ACACA: variants seen among roughly 807,000 people sequenced by gnomAD.
ACACA encodes the protein acetyl-CoA carboxylase alpha.
Under a neutral mutation model 296.1 loss-of-function variants are expected in ACACA, and 103 were observed. The observed-to-expected ratio is 0.35, with a 90% CI of 0.30 to 0.41. The LOEUF (loss-of-function observed/expected upper bound fraction) is 0.41, where lower values mean the gene tolerates loss of function less well. Among genes scored for constraint, ACACA ranks in the 10% least tolerant of loss-of-function variants. ACACA has a pLI of 1.00. For missense variants in ACACA, 1,554 were observed against 2,989.7 expected (o/e 0.52, Z 11.20); for synonymous variants, 953 against 1,038.6 (o/e 0.92, Z 1.58).
intron 52 of ACACA, among the ~76,000 whole-genome samples, chr17:37,108,057 TCTC>T (rs1427655946): frequency 2.6e-5 from 4 of 152,082 alleles, no homozygotes; most frequent in African/African-American, 4.8e-5. Flanking sequence ...AGGAAGTAAT[TCTC>T]CTCCTTGCAA....
intron 45 of ACACA, among the ~76,000 whole-genome samples, chr17:37,143,207 CTT>C (rs36093883): frequency 6.3e-5 from 9 of 142,158 alleles, no homozygotes; most frequent in Admixed American, 1.4e-4. Flanking sequence ...CTCATAACAT[CTT>C]TTTTTTTTTT....
chr17:37,246,724 T>A, intron 19 of ACACA, 102 bp downstream of exon 19: 2 of 1,485,694 alleles, frequency 1.3e-6, no homozygotes. Flanking sequence ...CAAGCCACTG[T>A]GCCCAGCCTC....
At chr17:37,170,920 G>T (rs1469412769) in intron 41 of ACACA, among the ~76,000 whole-genome samples, 1 of 152,162 alleles carries the variant, frequency 6.6e-6, no homozygotes, top group Non-Finnish European at 1.5e-5. Context: ...AAAGCTAAGG[G>T]CAAAACATGC....
chr17:37,149,768 T>C (rs1025627558), intron 45 of ACACA, 96 bp downstream of exon 45: 6 of 1,102,738 alleles, frequency 5.4e-6, no homozygotes, highest in Non-Finnish European at 8.4e-6. Context: ...AAGGCACGGA[T>C]TGAACTGCTT....
Position 37,398,528 on chromosome 17 carries a change from G to A in ACACA, c.38+7734C>T, listed in dbSNP as rs192771905. Among the ~76,000 whole-genome samples the A allele has an allele frequency of 7.2e-5, 10 of 137,980 alleles. No individual in the cohort carries two copies. The East Asian group carries it at 2.4e-3, about 34-fold the overall frequency. The allele number at this position is 137,980 out of a possible 152,430, so 90.5% of individuals were successfully genotyped here. A position where few individuals can be genotyped will look rare whatever the true frequency, so the allele number is the denominator to read the frequency against. On this transcript the variant is annotated intron_variant, in intron 1 of 55. Coordinates refer to ENST00000616317, the MANE Select transcript of ACACA (RefSeq NM_198834.3). Reference sequence around the variant, plus strand: ...TCGAACTCCTGACCTCAGGTGATCCGCCCACCTTGGCCTCCAAAAGTGCTG... The same window carrying A: ...TCGAACTCCTGACCTCAGGTGATCCACCCACCTTGGCCTCCAAAAGTGCTG...
intron 48 of ACACA, 143 bp downstream of exon 48, chr17:37,125,555 G>T: frequency 1.2e-6 from 1 of 810,860 alleles, no homozygotes; most frequent in Non-Finnish European, 2.1e-6. Flanking sequence ...CAATTATTTT[G>T]CCTTGGGCAT....
In ACACA at chr17:37,120,168, C is replaced by T. The variant is rs1277830471; in HGVS notation, c.6274+1187G>A. Among the ~76,000 whole-genome samples, 3 of 152,028 alleles carry T rather than the reference C, an allele frequency of 2.0e-5. No individual in the cohort carries two copies. In the East Asian group the frequency reaches 5.8e-4, roughly 29 times the overall value. On this transcript the variant is annotated intron_variant, in intron 50 of 55. Transcript: ENST00000616317. ...TCGGCCTCCCAAAGTGCTGGGATTA[C>T]AGGCGTGAGCCACCGCGCCTGGCCA...
At chr17:37,395,030 A>G (rs2051031380) in intron 1 of ACACA, among the ~76,000 whole-genome samples, 1 of 152,152 alleles carries the variant, frequency 6.6e-6, no homozygotes, top group South Asian at 2.1e-4. Flanking sequence ...AACACTGGTT[A>G]ATATGTAATC....
intron 45 of ACACA, among the ~76,000 whole-genome samples, chr17:37,132,034 C>CCT (rs764963579): frequency 9.9e-5 from 15 of 152,142 alleles, no homozygotes; most frequent in African/African-American, 3.4e-4. Flanking sequence ...TTCCATTTGC[C>CCT]CTCTCTCTGA....
At chr17:37,298,241 G>GA (rs938147966) in intron 3 of ACACA, among the ~76,000 whole-genome samples, 1 of 151,972 alleles carries the variant, frequency 6.6e-6, no homozygotes, top group Non-Finnish European at 1.5e-5. Flanking sequence ...GCAGTTGGGG[G>GA]AAAAAAAGGA....
chr17:37,329,782 A>C (rs370105969), intron 3 of ACACA, among the ~76,000 whole-genome samples: 149 of 152,102 alleles, frequency 9.8e-4, no homozygotes, highest in Middle Eastern at 6.8e-3. Flanking sequence ...TCTACTAAAA[A>C]CACAAAAAAT....
chr17:37,226,393 C>T lies in ACACA; in HGVS notation c.3306G>A (p.Glu1102=). The T allele has an allele frequency of 6.2e-7, 1 of 1,614,154 alleles. No individual in the cohort carries two copies. The highest frequency in any genetic ancestry group is 8.5e-7 in the Non-Finnish European group (1 of 1,180,028). Residue 1102 remains glutamate (E), a synonymous_variant, in exon 26 of 56, where the codon GAG becomes GAA. Coordinates refer to ENST00000616317, the MANE Select transcript of ACACA (RefSeq NM_198834.3). ...LTDELLNILT[E]LTQLSKTTNA... ...TGGTGGTCTTACTGAGTTGAGTTAG[C>T]TCTGTGAGAATATTCAGCAGCTCAT...
intron 1 of ACACA, among the ~76,000 whole-genome samples, chr17:37,351,004 G>A (rs115241207): frequency 0.011 from 1,736 of 151,986 alleles, 35 homozygotes; most frequent in African/African-American, 0.039. Context: ...GTGGTGGAGC[G>A]TGGCGCATGC....
chr17:37,387,027 A>C (rs991980254), intron 1 of ACACA: 1 of 152,252 alleles, frequency 6.6e-6, no homozygotes, highest in South Asian at 2.1e-4. Flanking sequence ...ACATTGTCCA[A>C]GCTGGTCTCA....
At chr17:37,125,126 G>A (rs1330295672) in intron 48 of ACACA, among the ~76,000 whole-genome samples, 1 of 152,012 alleles carries the variant, frequency 6.6e-6, no homozygotes, top group Non-Finnish European at 1.5e-5. Context: ...CTTAGAGTAG[G>A]TATTAAAATT....
intron 47 of ACACA, among the ~76,000 whole-genome samples, chr17:37,127,190 T>C (rs2074831172): frequency 1.3e-5 from 2 of 152,226 alleles, no homozygotes; most frequent in African/African-American, 4.8e-5. Flanking sequence ...TGTTCACCCA[T>C]GAAAGAAGGA....
At chr17:37,246,388 C>A (rs574052866) in intron 19 of ACACA, among the ~76,000 whole-genome samples, 5 of 152,108 alleles carry the variant, frequency 3.3e-5, no homozygotes, top group African/African-American at 1.2e-4. Context: ...ACTGATGTTT[C>A]TTTTTCATTC....
intron 1 of ACACA, chr17:37,377,978 T>A (rs377481552): frequency 4.9e-5 from 79 of 1,610,312 alleles, no homozygotes; most frequent in Non-Finnish European, 6.5e-5. Flanking sequence ...AGGGAATGGG[T>A]CCTTTCTGGA....
chr17:37,342,406 CAAAAAAAAAAAAAAAAA>C (rs1173872959), intron 1 of ACACA, among the ~76,000 whole-genome samples: 3 of 21,108 alleles, frequency 1.4e-4, no homozygotes, highest in African/African-American at 1.7e-4. Context: ...GACTGTCTCT[CAAAAAAAAAAAAAAAAA>C]AAAAAAAAAA....
Sources: allele counts gnomAD v4.1 joint callset (sites outside exome capture counted in the v4.1 genomes callset), GRCh38; gene constraint gnomAD v4.1.1; transcripts MANE v1.5; gene names NCBI Gene and HGNC (gene_info 2026-07-23, HGNC 2026-07-21).